Variants in TBCD observed in about 807,000 individuals in gnomAD.
TBCD encodes tubulin-specific chaperone D.
TBCD carries 105 observed loss-of-function variants against 169.3 expected under a neutral mutation model. That is an observed-to-expected ratio of 0.62 (90% CI 0.53 to 0.73). The LOEUF (loss-of-function observed/expected upper bound fraction) is 0.73. Ranked by LOEUF, TBCD falls within the 30% of genes least tolerant of loss-of-function variation. TBCD has a pLI of 0.00. For missense variants in TBCD, 1,444 were observed against 1,600.1 expected (o/e 0.90, Z 1.66); for synonymous variants, 700 against 643.9 (o/e 1.09, Z -1.32).
chr17:82,935,712 C>T (rs79316200), intron 34 of TBCD, among the ~76,000 whole-genome samples: 10,925 of 152,250 alleles, frequency 0.072, 614 homozygotes, highest in Non-Finnish European at 0.11. Flanking sequence ...GAGTTATGTG[C>T]TGCTATTGTC....
Position 82,832,510 on chromosome 17 carries a change from C to A in TBCD, c.1318+17576C>A, listed in dbSNP as rs1268439335. Reference sequence around the variant, plus strand: ...CCAGGTGGCGTGATCACTGTCGACGCCGCGTGCACTTCGTGGTTTCTAAAG... The same window carrying A: ...CCAGGTGGCGTGATCACTGTCGACGACGCGTGCACTTCGTGGTTTCTAAAG... On this transcript the variant is annotated intron_variant, in intron 13 of 38. Coordinates refer to ENST00000355528, the MANE Select transcript of TBCD (RefSeq NM_005993.5). The surrounding 1 kb of genome is among the most constrained non-coding windows in gnomAD (Gnocchi z 4.9). 3 of 1,517,000 alleles carry A rather than the reference C, an allele frequency of 2.0e-6. No homozygotes were observed. The Admixed American group carries it at 5.0e-5, about 25-fold the overall frequency. 94.0% of individuals were successfully genotyped at this position (1,517,000 alleles called of 1,614,324 possible).
At chr17:82,783,682 C>T (rs187516783) in intron 7 of TBCD, among the ~76,000 whole-genome samples, 44 of 152,304 alleles carry the variant, frequency 2.9e-4, no homozygotes, top group Admixed American at 2.0e-3. Flanking sequence ...GTCAGTGCCT[C>T]GTTCCCTTTA....
chr17:82,758,276 C>T (rs2047514717), intron 2 of TBCD, among the ~76,000 whole-genome samples: 1 of 147,836 alleles, frequency 6.8e-6, no homozygotes, highest in South Asian at 2.2e-4. Context: ...ATCCCAGCTA[C>T]TTGGGGCTGA....
intron 11 of TBCD, 55 bp downstream of exon 11, chr17:82,807,723 C>G: frequency 1.5e-6 from 2 of 1,334,514 alleles, no homozygotes; most frequent in South Asian, 3.7e-5. Flanking sequence ...CTCTCCTGTG[C>G]GATTCAGCAG....
At chr17:82,766,530 ACTT>A (rs1435500387) in intron 4 of TBCD, among the ~76,000 whole-genome samples, 162 bp downstream of exon 4, 1 of 150,680 alleles carries the variant, frequency 6.6e-6, no homozygotes, top group African/African-American at 2.4e-5. Context: ...CTTTTCCTTT[ACTT>A]CTTGTACAAG....
At chr17:82,777,556 G>A (rs915544608) in intron 6 of TBCD, among the ~76,000 whole-genome samples, 2 of 152,244 alleles carry the variant, frequency 1.3e-5, no homozygotes, top group Admixed American at 1.3e-4. Flanking sequence ...ACTGGACGGG[G>A]GGCCCTTCCC....
chr17:82,807,268 C>T (rs1020224783), intron 10 of TBCD, among the ~76,000 whole-genome samples: 3 of 152,336 alleles, frequency 2.0e-5, no homozygotes, highest in Non-Finnish European at 4.4e-5. Context: ...CTGGAAGCTT[C>T]CCAGCCCACT....
At chr17:82,796,465 C>T (rs1210830142) in intron 7 of TBCD, among the ~76,000 whole-genome samples, 2 of 152,212 alleles carry the variant, frequency 1.3e-5, no homozygotes, top group Admixed American at 6.5e-5. Flanking sequence ...CTATCCATTT[C>T]GCTAAAGAGA....
rs1418014405 is a variant in TBCD at position 82,923,795 on chromosome 17, T to C, written c.2260+62T>C. ...CTTCCAGCAGGAAGCTGCTGGGGAGTGTCTGGGCACGGAGGAGGCCTCGGT... is the reference window on the plus strand; with the variant it reads ...CTTCCAGCAGGAAGCTGCTGGGGAGCGTCTGGGCACGGAGGAGGCCTCGGT... On this transcript the variant is annotated intron_variant, in intron 26 of 38. Transcript: ENST00000355528. This position sits in a 1 kb window ranked among gnomAD's most constrained non-coding sequence, Gnocchi z 4.6. 1 of 1,427,302 alleles carries C rather than the reference T, an allele frequency of 7.0e-7. No individual in the cohort carries two copies. The highest frequency in any genetic ancestry group is 9.6e-7 in the Non-Finnish European group (1 of 1,044,676). 88.4% of individuals were successfully genotyped at this position (1,427,302 alleles called of 1,614,324 possible).
At chr17:82,775,411 T>C (rs139515032) in intron 6 of TBCD, among the ~76,000 whole-genome samples, 1 of 152,170 alleles carries the variant, frequency 6.6e-6, no homozygotes, top group African/African-American at 2.4e-5. Context: ...GAGTTTCCTG[T>C]ACTTCTCAGA....
chr17:82,805,082 G>A (rs1028865217), intron 9 of TBCD, among the ~76,000 whole-genome samples: 8 of 152,370 alleles, frequency 5.3e-5, no homozygotes, highest in Non-Finnish European at 1.0e-4. Context: ...CAGGCGGCCC[G>A]CCCTGCACTC....
At position 82,944,723 on chromosome 17, in the gene TBCD, G is replaced by C. The variant is rs919517069; in HGVS notation, c.*2260G>C. The C allele has an allele frequency of 1.3e-5, 2 of 152,204 alleles. No individual in the cohort carries two copies. The highest frequency in any genetic ancestry group is 6.5e-5 in the Admixed American group (1 of 15,288). The allele number at this position is 152,204 out of a possible 1,614,324, so 9.4% of individuals were successfully genotyped here. A position where few individuals can be genotyped will look rare whatever the true frequency, so the allele number is the denominator to read the frequency against. On this transcript the variant is annotated 3_prime_UTR_variant, in exon 39 of 39. Coordinates refer to ENST00000355528, the MANE Select transcript of TBCD (RefSeq NM_005993.5). The stretch of plus-strand genomic sequence containing the variant: ...TTTGTGTACCCACAAACACGTTCTA[G>C]GTGCTAACCAGAAACCCTCCATGTG...
In TBCD at chr17:82,853,414, T is replaced by C. The variant is rs557338904; in HGVS notation, c.1319-16810T>C. On this transcript the variant is annotated intron_variant, in intron 13 of 38. Transcript: ENST00000355528. ...AACACCCCCCCTCCTTTTTTTTTTC[T>C]GTTTTTGAGTCAGGGTCTTGCTCTG... Among the ~76,000 whole-genome samples, 177 of 151,282 alleles carry C rather than the reference T, an allele frequency of 1.2e-3. 2 individuals are homozygous for C. Among genetic ancestry groups the C allele is most frequent in the African/African-American group, 4.1e-3 (169 of 41,060 alleles).
intron 14 of TBCD, among the ~76,000 whole-genome samples, chr17:82,883,718 G>A (rs981380511): frequency 6.6e-6 from 1 of 152,192 alleles, no homozygotes; most frequent in Admixed American, 6.5e-5. Flanking sequence ...CATTTGTGTC[G>A]GCCACCTTGG....
At chr17:82,872,398 T>C (rs1201890726) in intron 14 of TBCD, among the ~76,000 whole-genome samples, 1 of 152,168 alleles carries the variant, frequency 6.6e-6, no homozygotes, top group Non-Finnish European at 1.5e-5. Context: ...GGCAGGGGCT[T>C]GGCTGCTGGT....
chr17:82,766,811 T>A (rs1253524506), intron 4 of TBCD, among the ~76,000 whole-genome samples: 2 of 152,204 alleles, frequency 1.3e-5, no homozygotes, highest in Non-Finnish European at 2.9e-5. Flanking sequence ...GGGTGGGGTC[T>A]GGGGAGAACC....
rs1449924768 is a variant in TBCD, at chr17:82,880,969, T to C, written c.1476-3176T>C. Reference sequence around the variant, plus strand: ...TACTCCCATAGCTCTGGGCTCTGTTTGTGGCTGTGGCCACACAGGGCAGGG... The same window carrying C: ...TACTCCCATAGCTCTGGGCTCTGTTCGTGGCTGTGGCCACACAGGGCAGGG... On this transcript the variant is annotated intron_variant, in intron 14 of 38. Coordinates refer to ENST00000355528, the MANE Select transcript of TBCD (RefSeq NM_005993.5). The surrounding 1 kb of genome is among the most constrained non-coding windows in gnomAD (Gnocchi z 5.0). Among the ~76,000 whole-genome samples the C allele has an allele frequency of 6.6e-6, 1 of 152,014 alleles. No homozygotes were observed. The highest frequency in any genetic ancestry group is 1.5e-5 in the Non-Finnish European group (1 of 67,960).
rs2062711699 is a variant in TBCD at position 82,937,300 on chromosome 17, T to A, written c.3221T>A (p.Leu1074His). ...CCCTTTGCTGTGAAGTTGCTTGCGC[T>A]CTGTAAGAAAGAAATCAAGAATTCA... is the stretch of plus-strand genomic sequence containing the variant. ...DHPFAVKLLA[L>H]CKKEIKNSKD... Residue 1074 changes from leucine to histidine, a missense_variant, in exon 35 of 39, where the codon CTC becomes CAC. Coordinates refer to ENST00000355528, the MANE Select transcript of TBCD (RefSeq NM_005993.5). 1 of 1,613,928 alleles carries A rather than the reference T, an allele frequency of 6.2e-7. No homozygotes were observed. Among genetic ancestry groups the A allele is most frequent in the Non-Finnish European group, 8.5e-7 (1 of 1,179,892 alleles).
At chr17:82,857,926 T>G (rs1238758538) in intron 13 of TBCD, among the ~76,000 whole-genome samples, 2 of 152,064 alleles carry the variant, frequency 1.3e-5, no homozygotes, top group African/African-American at 4.8e-5. Flanking sequence ...TTTAGTTTTT[T>G]TTTTGAAAAA....
Sources: gnomAD v4.1 joint callset for allele counts (sites outside exome capture counted in the v4.1 genomes callset) on GRCh38, gnomAD v4.1.1 for gene constraint, Gnocchi (gnomAD v3.1) non-coding constraint, MANE v1.5 for transcripts, NCBI Gene and HGNC (gene_info 2026-07-23, HGNC 2026-07-21) for gene names.